Variants in PKNOX2 observed in about 807,000 individuals in gnomAD.
PKNOX2 encodes the protein homeobox protein PKNOX2.
Under a neutral mutation model 53.1 loss-of-function variants are expected in PKNOX2, and 14 were observed. The ratio of observed to expected loss-of-function variants is 0.26; its 90% CI spans 0.17 to 0.41. The LOEUF (loss-of-function observed/expected upper bound fraction) is 0.41. Among genes scored for constraint, PKNOX2 ranks in the 10% least tolerant of loss-of-function variants. PKNOX2 has a pLI of 1.00. For synonymous variants in PKNOX2, 257 were observed against 242.8 expected, an observed-to-expected ratio of 1.06 and a Z score of -0.54; for missense variants, 496 against 602.8, an observed-to-expected ratio of 0.82 and a Z score of 1.85.
At position 125,370,859 on chromosome 11, in the gene PKNOX2, C is replaced by G. The variant is rs1952490530; in HGVS notation, c.227+2874C>G. Among the ~76,000 whole-genome samples, 1 of 152,196 alleles carries G rather than the reference C, an allele frequency of 6.6e-6. No individual in the cohort carries two copies. On this transcript the variant is annotated intron_variant, in intron 5 of 12. Transcript: ENST00000298282. The surrounding 1 kb of genome is among the most constrained non-coding windows in gnomAD (Gnocchi z 4.1). ...CGGCATTTTATGTCAATAAGTGTAACCAGACCCTTTCCATTCAGATGAGTG... is the reference window on the plus strand; with the variant it reads ...CGGCATTTTATGTCAATAAGTGTAAGCAGACCCTTTCCATTCAGATGAGTG...
At chr11:125,368,106 T>G in intron 5 of PKNOX2, 121 bp downstream of exon 5, 2 of 1,207,168 alleles carry the variant, frequency 1.7e-6, no homozygotes, top group Non-Finnish European at 2.2e-6. Context: ...ATAGCTATTC[T>G]CCCTTGGCCT....
intron 2 of PKNOX2, among the ~76,000 whole-genome samples, chr11:125,269,235 C>T (rs1484117939): frequency 6.6e-6 from 1 of 152,116 alleles, no homozygotes; most frequent in African/African-American, 2.4e-5. Context: ...CAGATTTGTT[C>T]TCAAGATGTC....
At chr11:125,242,322 A>G (rs1943219100) in intron 2 of PKNOX2, among the ~76,000 whole-genome samples, 1 of 152,138 alleles carries the variant, frequency 6.6e-6, no homozygotes, top group Non-Finnish European at 1.5e-5. Flanking sequence ...AAAAGCTCCT[A>G]TACTTCCCAG....
intron 1 of PKNOX2, among the ~76,000 whole-genome samples, chr11:125,178,027 G>A (rs1341389364): frequency 2.0e-5 from 3 of 152,220 alleles, no homozygotes; most frequent in African/African-American, 7.2e-5. Context: ...GTATTTTAAT[G>A]CTCATTTTTT....
intron 1 of PKNOX2, among the ~76,000 whole-genome samples, chr11:125,210,448 GT>G (rs1939697006): frequency 6.6e-6 from 1 of 152,146 alleles, no homozygotes; most frequent in South Asian, 2.1e-4. Context: ...TCCCTCTGCT[GT>G]GGGCACAAAT....
chr11:125,298,511 G>C (rs770739207), intron 2 of PKNOX2, among the ~76,000 whole-genome samples: 12 of 152,210 alleles, frequency 7.9e-5, no homozygotes, highest in Non-Finnish European at 1.6e-4. Context: ...TGACTCTGGG[G>C]TGGGTGAAGT....
intron 11 of PKNOX2, 106 bp downstream of exon 11, chr11:125,429,194 A>G: frequency 1.8e-6 from 2 of 1,113,826 alleles, no homozygotes; most frequent in South Asian, 2.8e-5. Context: ...ATCTGCCTCA[A>G]TCTCAGCCCA....
chr11:125,334,667 C>T (rs1461278438), intron 3 of PKNOX2, among the ~76,000 whole-genome samples: 1 of 151,312 alleles, frequency 6.6e-6, no homozygotes, highest in African/African-American at 2.4e-5. Context: ...GGCACAGTCT[C>T]AGCTCACTGC....
chr11:125,312,020 A>G lies in PKNOX2; in HGVS notation c.-129-19799A>G, dbSNP rs541091137. 3.3e-5 allele frequency among the ~76,000 whole-genome samples: 5 copies of G among 152,296 alleles called. No individual in the cohort carries two copies. The South Asian group carries it at 1.0e-3, about 32-fold the overall frequency. On this transcript the variant is annotated intron_variant, in intron 2 of 12. Transcript: ENST00000298282. ...ACTGTCTCAAAGAAGAAGAAAAAAA[A>G]GTCTGAATTTGGACCTCAGATCCAG...
intron 1 of PKNOX2, among the ~76,000 whole-genome samples, chr11:125,183,045 CAGGG>C (rs1956240359): frequency 6.6e-6 from 1 of 152,158 alleles, no homozygotes; most frequent in African/African-American, 2.4e-5. Context: ...CCTTGACGCC[CAGGG>C]AGGTGGTAAC....
At chr11:125,274,149 A>G (rs1268512566) in intron 2 of PKNOX2, among the ~76,000 whole-genome samples, 1 of 152,144 alleles carries the variant, frequency 6.6e-6, no homozygotes, top group Non-Finnish European at 1.5e-5. Flanking sequence ...TTTTATACCA[A>G]TGCTTTGAGC....
intron 10 of PKNOX2, among the ~76,000 whole-genome samples, chr11:125,424,286 G>C (rs1238512617): frequency 6.6e-6 from 1 of 152,092 alleles, no homozygotes; most frequent in Admixed American, 6.5e-5. Flanking sequence ...CATGAACAAG[G>C]GCAATGACTA....
At chr11:125,197,107 C>A (rs924202311) in intron 1 of PKNOX2, among the ~76,000 whole-genome samples, 1 of 152,224 alleles carries the variant, frequency 6.6e-6, no homozygotes, top group Admixed American at 6.5e-5. Flanking sequence ...CTGTTGGAGT[C>A]GGCCCCAGCC....
intron 1 of PKNOX2, among the ~76,000 whole-genome samples, chr11:125,225,022 G>C (rs1322015818): frequency 1.3e-5 from 2 of 152,182 alleles, no homozygotes; most frequent in East Asian, 3.8e-4. Flanking sequence ...TGCCTGGATG[G>C]CATCTTTTCT....
intron 1 of PKNOX2, among the ~76,000 whole-genome samples, chr11:125,214,955 G>A (rs1331221457): frequency 3.3e-5 from 5 of 152,042 alleles, no homozygotes; most frequent in African/African-American, 7.2e-5. Context: ...AGGGGCCTGC[G>A]GGGTCAGGGG....
Position 125,367,211 on chromosome 11 carries a change from G to A in PKNOX2, c.88-635G>A, listed in dbSNP as rs557513820. On this transcript the variant is annotated intron_variant, in intron 4 of 12. Coordinates refer to ENST00000298282, the MANE Select transcript of PKNOX2 (RefSeq NM_001382323.2). ...TTGCTCTGGTTGGTACAAAATTGTC[G>A]GCCTCGGGACACCTTCAAAAACGTG... 3.2e-4 allele frequency among the ~76,000 whole-genome samples: 48 copies of A among 152,150 alleles called. 2 individuals are homozygous for A. Among genetic ancestry groups the A allele is most frequent in the Admixed American group, 2.6e-3 (40 of 15,280 alleles).
chr11:125,338,335 C>T (rs968523325), intron 3 of PKNOX2, among the ~76,000 whole-genome samples: 1 of 152,198 alleles, frequency 6.6e-6, no homozygotes, highest in African/African-American at 2.4e-5. Flanking sequence ...GACAAAGAGA[C>T]AGCAGACTGC....
chr11:125,387,462 C>G (rs1953717961), intron 6 of PKNOX2, among the ~76,000 whole-genome samples: 1 of 152,206 alleles, frequency 6.6e-6, no homozygotes, highest in Non-Finnish European at 1.5e-5. Flanking sequence ...GGAGACCCAC[C>G]AAGAACGGCC....
chr11:125,191,872 A>G (rs571128572), intron 1 of PKNOX2, among the ~76,000 whole-genome samples: 2 of 152,332 alleles, frequency 1.3e-5, no homozygotes, highest in South Asian at 2.1e-4. Flanking sequence ...ACAAAAATAC[A>G]TATAACTAAA....
Sources: allele counts gnomAD v4.1 joint callset (sites outside exome capture counted in the v4.1 genomes callset), GRCh38; gene constraint gnomAD v4.1.1; non-coding constraint Gnocchi (gnomAD v3.1); transcripts MANE v1.5; gene names NCBI Gene and HGNC (gene_info 2026-07-23, HGNC 2026-07-21).